CELF2: variants seen among roughly 807,000 people sequenced by gnomAD.
The protein encoded by CELF2 is CUGBP Elav-like family member 2.
Under a neutral mutation model 62.6 loss-of-function variants are expected in CELF2, and 8 were observed. That is an observed-to-expected ratio of 0.13 (90% CI 0.07 to 0.23). The LOEUF is 0.23. CELF2 is among the 10% of genes least tolerant of loss of function. CELF2 has a pLI of 1.00. For synonymous variants in CELF2, 258 were observed against 250.0 expected, an observed-to-expected ratio of 1.03 and a Z score of -0.30; for missense variants, 333 against 671.0, an observed-to-expected ratio of 0.50 and a Z score of 5.56.
At position 11,165,195 on chromosome 10, in the gene CELF2, C is replaced by G; in HGVS notation, c.75-291C>G. ...ACCTGCACTTAACTTGCAGCTGCCT[C>G]CCGAGCCTCCAAGATGTCCACGCCC... On this transcript the variant is annotated intron_variant, in intron 1 of 12. Transcript: ENST00000633077. This position sits in a 1 kb window ranked among gnomAD's most constrained non-coding sequence, Gnocchi z 7.4. 2 of 1,247,762 alleles carry G rather than the reference C, an allele frequency of 1.6e-6. No individual in the cohort carries two copies. Among genetic ancestry groups the G allele is most frequent in the South Asian group, 1.9e-5 (1 of 53,736 alleles). 77.3% of individuals were successfully genotyped at this position (1,247,762 alleles called of 1,614,324 possible). A position where few individuals can be genotyped will look rare whatever the true frequency, so the allele number is the denominator to read the frequency against.
intron 1 of CELF2, among the ~76,000 whole-genome samples, chr10:10,911,984 C>T (rs7909208): frequency 0.85 from 129,749 of 152,230 alleles, 55,391 homozygotes; most frequent in South Asian, 0.94. Context: ...CTTGTTTTAG[C>T]TGATCAGCAT....
chr10:11,107,910 C>G (rs12778206), intron 1 of CELF2, among the ~76,000 whole-genome samples: 16,750 of 124,744 alleles, frequency 0.13, 1,785 homozygotes, highest in Non-Finnish European at 0.18. Flanking sequence ...CATCTCCTCC[C>G]TTCTCCCATT....
At chr10:11,205,642 A>T (rs930008142) in intron 2 of CELF2, among the ~76,000 whole-genome samples, 3 of 152,212 alleles carry the variant, frequency 2.0e-5, no homozygotes, top group Non-Finnish European at 4.4e-5. Flanking sequence ...ATGAATGGGC[A>T]TGAGAAGACT....
At chr10:10,720,366 G>A in the CELF2 span, among the ~76,000 whole-genome samples, 3 of 152,136 alleles carry the variant, frequency 2.0e-5, no homozygotes, top group African/African-American at 4.8e-5. Context: ...GGAGCTGCCC[G>A]GAGATGGCTC....
chr10:10,743,952 G>C, the CELF2 span, among the ~76,000 whole-genome samples: 1 of 152,126 alleles, frequency 6.6e-6, no homozygotes, highest in East Asian at 1.9e-4. Context: ...CCTGGATATG[G>C]TATATAAATG....
chr10:10,677,737 C>T, the CELF2 span, among the ~76,000 whole-genome samples: 2 of 152,302 alleles, frequency 1.3e-5, no homozygotes, highest in East Asian at 3.9e-4. Context: ...GTTTTACATG[C>T]TCAAAGATGG....
At chr10:10,652,819 G>A in the CELF2 span, among the ~76,000 whole-genome samples, 1 of 151,570 alleles carries the variant, frequency 6.6e-6, no homozygotes, top group African/African-American at 2.4e-5. Context: ...ATCAACTAAA[G>A]AGCAAAATCA....
At chr10:11,185,138 GT>G (rs1476034239) in intron 2 of CELF2, among the ~76,000 whole-genome samples, 1 of 151,832 alleles carries the variant, frequency 6.6e-6, no homozygotes, top group Admixed American at 6.6e-5. Flanking sequence ...ATCATATCGG[GT>G]TTTTTGTCTG....
At chr10:10,661,699 T>C in the CELF2 span, among the ~76,000 whole-genome samples, 10 of 152,214 alleles carry the variant, frequency 6.6e-5, no homozygotes, top group Non-Finnish European at 7.3e-5. Context: ...AGTTACCACG[T>C]TTCTAGGGTC....
chr10:11,317,623 T>C (rs1317696073), intron 10 of CELF2: 1 of 152,294 alleles, frequency 6.6e-6, no homozygotes, highest in African/African-American at 2.4e-5. Flanking sequence ...GGTCTGCTTA[T>C]GGCACTTGGC....
At chr10:10,616,723 A>G in the CELF2 span, among the ~76,000 whole-genome samples, 1 of 144,792 alleles carries the variant, frequency 6.9e-6, no homozygotes, top group South Asian at 2.3e-4. Context: ...TGTGTGTGAG[A>G]GAGAGAGAGA....
chr10:10,800,092 G>A (rs1233924007), intron 1 of CELF2, among the ~76,000 whole-genome samples: 1 of 152,022 alleles, frequency 6.6e-6, no homozygotes, highest in Non-Finnish European at 1.5e-5. Flanking sequence ...CTTCATGTTT[G>A]TCTGATTTTG....
chr10:10,926,472 A>G lies in CELF2; in HGVS notation c.89+6473A>G, dbSNP rs561649725. On this transcript the variant is annotated intron_variant, in intron 2 of 13. Coordinates refer to the CELF2 transcript ENST00000636488. Reference sequence around the variant, plus strand: ...CAGCCTCCAGAACTCTGAGAAATGAATCTCTGTTCTTTGTCAATTACTCAG... The same window carrying G: ...CAGCCTCCAGAACTCTGAGAAATGAGTCTCTGTTCTTTGTCAATTACTCAG... Among the ~76,000 whole-genome samples the G allele has an allele frequency of 6.5e-4, 99 of 152,268 alleles. 1 individual carries two copies. The highest frequency in any genetic ancestry group is 1.3e-3 in the Admixed American group (20 of 15,302).
At chr10:10,961,560 A>C (rs1333125694) in intron 2 of CELF2, among the ~76,000 whole-genome samples, 1 of 152,118 alleles carries the variant, frequency 6.6e-6, no homozygotes, top group African/African-American at 2.4e-5. Context: ...CAGCCTGGGC[A>C]ACATGGCAAA....
intron 1 of CELF2, among the ~76,000 whole-genome samples, chr10:11,124,739 C>T (rs1354817840): frequency 1.8e-4 from 27 of 152,140 alleles, no homozygotes; most frequent in Admixed American, 1.7e-3. Context: ...TCCCATGGAG[C>T]TTACAGTCTA....
At chr10:10,839,571 C>T (rs2058542516) in intron 1 of CELF2, among the ~76,000 whole-genome samples, 1 of 152,230 alleles carries the variant, frequency 6.6e-6, no homozygotes, top group Non-Finnish European at 1.5e-5. Context: ...CTTGGCCTTA[C>T]ATATTTCACT....
In CELF2 at chr10:11,217,576, T is replaced by A; in HGVS notation, c.354+69T>A. 1.7e-6 allele frequency: 2 copies of A among 1,201,864 alleles called. No individual in the cohort carries two copies. Among genetic ancestry groups the A allele is most frequent in the Non-Finnish European group, 2.4e-6 (2 of 819,400 alleles). The allele number at this position is 1,201,864 out of a possible 1,614,324, so 74.4% of individuals were successfully genotyped here. A position where few individuals can be genotyped will look rare whatever the true frequency, so the allele number is the denominator to read the frequency against. On this transcript the variant is annotated intron_variant, in intron 3 of 12. Coordinates refer to ENST00000633077, the MANE Select transcript of CELF2 (RefSeq NM_001326342.2). This position sits in a 1 kb window ranked among gnomAD's most constrained non-coding sequence, Gnocchi z 5.6. The stretch of plus-strand genomic sequence containing the variant: ...AAATGGTCCTTTCAACTGAAGGTTC[T>A]AGTTATGGGCTCTTAGTGCCAAAAA...
intron 1 of CELF2, among the ~76,000 whole-genome samples, chr10:11,022,796 C>G (rs1398018774): frequency 6.6e-6 from 1 of 152,012 alleles, no homozygotes; most frequent in Non-Finnish European, 1.5e-5. Flanking sequence ...ATCAGGGTAG[C>G]GATCATTGTT....
intron 1 of CELF2, among the ~76,000 whole-genome samples, chr10:11,052,624 A>G (rs1296262): frequency 0.7 from 106,084 of 152,204 alleles, 38,747 homozygotes; most frequent in African/African-American, 0.92. Flanking sequence ...ATCCTTCAAT[A>G]GTTTTGTGTT....
Sources: gnomAD v4.1 joint callset for allele counts (sites outside exome capture counted in the v4.1 genomes callset) on GRCh38, gnomAD v4.1.1 for gene constraint, Gnocchi (gnomAD v3.1) non-coding constraint, MANE v1.5 for transcripts, NCBI Gene and HGNC (gene_info 2026-07-23, HGNC 2026-07-21) for gene names.